The following NMNAT3 variants were observed in gnomAD, a reference collection of about 807,000 sequenced individuals.
NMNAT3 encodes the protein nicotinamide nucleotide adenylyltransferase 3.
A neutral mutation model predicts 24.8 loss-of-function variants in NMNAT3; 21 were observed. The observed-to-expected ratio is 0.85, with a 90% CI of 0.60 to 1.22. The LOEUF is 1.22. Ranked by LOEUF, NMNAT3 falls within the 50% of genes most tolerant of loss-of-function variation. The probability of loss-of-function intolerance (pLI) is 0.00; values close to 1 mark genes in which losing one functional copy is unlikely to be tolerated. For synonymous variants in NMNAT3, 136 were observed against 155.2 expected (o/e 0.88, Z 0.92); for missense variants, 387 against 436.6 (o/e 0.89, Z 1.01).
intron 3 of NMNAT3, chr3:139,609,810 G>A (rs1426911864): frequency 1.3e-5 from 2 of 152,136 alleles, no homozygotes; most frequent in Admixed American, 6.6e-5. Context: ...CAACCTGGTG[G>A]TCCCCCACTC....
intron 3 of NMNAT3, among the ~76,000 whole-genome samples, chr3:139,590,317 C>T (rs1258071224): frequency 6.6e-6 from 1 of 152,148 alleles, no homozygotes; most frequent in African/African-American, 2.4e-5. Flanking sequence ...ACACTATTTA[C>T]ATAGACATAA....
intron 1 of NMNAT3, among the ~76,000 whole-genome samples, chr3:139,645,933 TGAGAGGA>T (rs1206242074): frequency 6.6e-6 from 1 of 152,092 alleles, no homozygotes; most frequent in Non-Finnish European, 1.5e-5. Context: ...TCATCAAAAG[TGAGAGGA>T]AAGAGGAAGG....
chr3:139,605,542 TTTCTC>T (rs1458779319), intron 3 of NMNAT3, among the ~76,000 whole-genome samples: 1 of 152,132 alleles, frequency 6.6e-6, no homozygotes, highest in African/African-American at 2.4e-5. Context: ...TCATCTTCCT[TTTCTC>T]TTAAGTGCCC....
At chr3:139,601,513 C>A (rs886328072) in intron 3 of NMNAT3, among the ~76,000 whole-genome samples, 3 of 152,210 alleles carry the variant, frequency 2.0e-5, no homozygotes, top group African/African-American at 7.2e-5. Flanking sequence ...TCAGTAGAAT[C>A]TGAATTTTCC....
At chr3:139,651,748 G>A (rs539484507) in intron 1 of NMNAT3, among the ~76,000 whole-genome samples, 2 of 152,112 alleles carry the variant, frequency 1.3e-5, no homozygotes, top group African/African-American at 4.8e-5. Flanking sequence ...CCGGGCAAGG[G>A]TGCAAAATGG....
intron 4 of NMNAT3, among the ~76,000 whole-genome samples, chr3:139,580,417 C>G (rs762776032): frequency 2.9e-4 from 44 of 152,158 alleles, no homozygotes; most frequent in Non-Finnish European, 5.6e-4. Context: ...GCCACCGTGC[C>G]CAGCCTGAAA....
chr3:139,610,868 C>T (rs967281477), intron 3 of NMNAT3, among the ~76,000 whole-genome samples: 1 of 152,208 alleles, frequency 6.6e-6, no homozygotes, highest in Non-Finnish European at 1.5e-5. Context: ...AAGTGATATA[C>T]ATCACATTGG....
chr3:139,653,059 T>C (rs932513811), intron 1 of NMNAT3, among the ~76,000 whole-genome samples: 2 of 152,182 alleles, frequency 1.3e-5, no homozygotes, highest in Admixed American at 6.5e-5. Flanking sequence ...AAGGATAGAT[T>C]GGCAGCGGGG....
intron 3 of NMNAT3, among the ~76,000 whole-genome samples, chr3:139,613,021 C>G (rs1450753340): frequency 1.3e-5 from 2 of 152,062 alleles, no homozygotes; most frequent in African/African-American, 4.8e-5. Context: ...GATCTAAAAC[C>G]ATAAAAACCC....
At chr3:139,626,481 C>T (rs2056056995) in intron 3 of NMNAT3, among the ~76,000 whole-genome samples, 1 of 152,036 alleles carries the variant, frequency 6.6e-6, no homozygotes, top group Non-Finnish European at 1.5e-5. Context: ...CATATCTCTA[C>T]TTAACTTGAA....
intron 1 of NMNAT3, among the ~76,000 whole-genome samples, chr3:139,675,815 T>A (rs942575211): frequency 6.6e-6 from 1 of 152,204 alleles, no homozygotes; most frequent in Non-Finnish European, 1.5e-5. Flanking sequence ...CATAATAACC[T>A]TCTGAGGTAG....
intron 3 of NMNAT3, among the ~76,000 whole-genome samples, chr3:139,591,213 C>A (rs1040084111): frequency 1.3e-5 from 2 of 151,430 alleles, no homozygotes; most frequent in African/African-American, 4.9e-5. Flanking sequence ...GTGACGGACG[C>A]ACCTGGAAAA....
intron 6 of NMNAT3, among the ~76,000 whole-genome samples, chr3:139,562,410 T>C (rs1936543898): frequency 6.6e-6 from 1 of 152,134 alleles, no homozygotes; most frequent in Admixed American, 6.5e-5. Flanking sequence ...GAAATCCAAG[T>C]CTATGCTAGA....
At chr3:139,596,013 A>T (rs1014896549) in intron 3 of NMNAT3, among the ~76,000 whole-genome samples, 9 of 152,202 alleles carry the variant, frequency 5.9e-5, no homozygotes, top group Admixed American at 2.6e-4. Context: ...CTACCATCAG[A>T]CTGAACAGGC....
chr3:139,596,232 C>T lies in NMNAT3; in HGVS notation c.110-13024G>A, dbSNP rs537016277. On this transcript the variant is annotated intron_variant, in intron 3 of 6. Transcript: ENST00000643695. ...AGGTTCTGTTTAATTACTTTGCTCA[C>T]GGAGAAAGGATAAAGGCAACATTTA... Among the ~76,000 whole-genome samples, 11 of 152,134 alleles carry T rather than the reference C, an allele frequency of 7.2e-5. No homozygotes were observed. The East Asian group carries it at 1.4e-3, about 19-fold the overall frequency.
chr3:139,591,395 G>T (rs958858401), intron 3 of NMNAT3, among the ~76,000 whole-genome samples: 2 of 152,184 alleles, frequency 1.3e-5, no homozygotes, highest in African/African-American at 4.8e-5. Flanking sequence ...CTCGGGAAGG[G>T]GCGCCCGCCA....
At chr3:139,604,505 C>G (rs1182600238) in intron 3 of NMNAT3, among the ~76,000 whole-genome samples, 3 of 152,130 alleles carry the variant, frequency 2.0e-5, no homozygotes, top group African/African-American at 7.2e-5. Context: ...CCTTTTAACT[C>G]CTGTATGAAA....
At chr3:139,633,524 A>C (rs1272694780) in intron 2 of NMNAT3, among the ~76,000 whole-genome samples, 1 of 152,184 alleles carries the variant, frequency 6.6e-6, no homozygotes, top group South Asian at 2.1e-4. Context: ...CTATGGCTGC[A>C]GTGATTTGTT....
At chr3:139,666,342 G>A (rs1381173446) in intron 1 of NMNAT3, among the ~76,000 whole-genome samples, 1 of 152,194 alleles carries the variant, frequency 6.6e-6, no homozygotes, top group Non-Finnish European at 1.5e-5. Context: ...GGACCCAGCT[G>A]CCATGCTGTG....
Sources: allele counts gnomAD v4.1 joint callset (sites outside exome capture counted in the v4.1 genomes callset), GRCh38; gene constraint gnomAD v4.1.1; transcripts MANE v1.5; gene names NCBI Gene and HGNC (gene_info 2026-07-23, HGNC 2026-07-21).